The following NRG1 variants were observed in gnomAD, a reference collection of about 807,000 sequenced individuals.
NRG1 encodes pro-neuregulin-1, membrane-bound isoform.
A neutral mutation model predicts 63.8 loss-of-function variants in NRG1; 18 were observed. The observed-to-expected ratio is 0.28, with a 90% CI of 0.19 to 0.42. The LOEUF is 0.42. NRG1 is among the 10% of genes least tolerant of loss of function. The pLI, the probability that NRG1 is intolerant of heterozygous loss-of-function variation, is 1.00. For missense variants in NRG1, 762 were observed against 814.7 expected (o/e 0.94, Z 0.79); for synonymous variants, 302 against 301.3 (o/e 1.00, Z -0.02).
At chr8:31,775,830 C>G (rs1283457564) in intron 1 of NRG1, among the ~76,000 whole-genome samples, 1 of 138,142 alleles carries the variant, frequency 7.2e-6, no homozygotes, top group African/African-American at 2.7e-5. Context: ...TTGCAGTGAG[C>G]CGAGATCATG....
At chr8:32,344,384 C>CTTTCTTTCTTCCTCTTTCTTTCTT (rs1804536869) in intron 1 of NRG1, among the ~76,000 whole-genome samples, 18 of 69,488 alleles carry the variant, frequency 2.6e-4, no homozygotes, top group Non-Finnish European at 4.3e-4. Flanking sequence ...CTTTCTTTCT[C>CTTTCTTTCTTCCTCTTTCTTTCTT]TTTCTTTCTT....
At chr8:32,112,228 T>C (rs957138671) in intron 1 of NRG1, among the ~76,000 whole-genome samples, 1 of 152,206 alleles carries the variant, frequency 6.6e-6, no homozygotes, top group Non-Finnish European at 1.5e-5. Context: ...TTAATTAATA[T>C]TTCCTCTGAG....
At chr8:32,273,718 A>G (rs1483444545) in intron 1 of NRG1, among the ~76,000 whole-genome samples, 1 of 152,194 alleles carries the variant, frequency 6.6e-6, no homozygotes, top group Admixed American at 6.5e-5. Context: ...ATTGGGAATC[A>G]TGAGAGCATT....
At chr8:31,817,061 C>A (rs1273230730) in intron 1 of NRG1, among the ~76,000 whole-genome samples, 2 of 152,146 alleles carry the variant, frequency 1.3e-5, no homozygotes, top group Non-Finnish European at 2.9e-5. Context: ...AAGGTTATAT[C>A]TTTTGGCATG....
At chr8:32,702,684 G>A (rs1815264569) in intron 5 of NRG1, among the ~76,000 whole-genome samples, 1 of 152,182 alleles carries the variant, frequency 6.6e-6, no homozygotes, top group African/African-American at 2.4e-5. Flanking sequence ...GAAGGGTTTC[G>A]CTCTGTTGGC....
At chr8:32,299,398 A>G (rs570354450) in intron 1 of NRG1, among the ~76,000 whole-genome samples, 2 of 152,336 alleles carry the variant, frequency 1.3e-5, no homozygotes, top group South Asian at 4.1e-4. Context: ...ATCTGTTTGC[A>G]TGTTAACAAA....
chr8:31,876,030 AAAACAAACAAACAAAC>A (rs4035778), intron 1 of NRG1, among the ~76,000 whole-genome samples: 10 of 149,506 alleles, frequency 6.7e-5, no homozygotes, highest in Non-Finnish European at 1.2e-4. Flanking sequence ...TCTGTCCTAA[AAAACAAACAAACAAAC>A]AAACAAACAA....
At chr8:32,253,726 A>G (rs139899229) in intron 1 of NRG1, among the ~76,000 whole-genome samples, 37 of 152,006 alleles carry the variant, frequency 2.4e-4, no homozygotes, top group Non-Finnish European at 4.4e-4. Flanking sequence ...AGGGAGAAGT[A>G]CCTCTTTTTC....
At chr8:31,935,752 G>A (rs1835250676) in intron 1 of NRG1, among the ~76,000 whole-genome samples, 1 of 152,174 alleles carries the variant, frequency 6.6e-6, no homozygotes, top group African/African-American at 2.4e-5. Context: ...GGGTCTTTTA[G>A]GTCACAAGTA....
chr8:31,864,810 G>C (rs1164174898), intron 1 of NRG1, among the ~76,000 whole-genome samples: 2 of 152,072 alleles, frequency 1.3e-5, no homozygotes, highest in Non-Finnish European at 2.9e-5. Context: ...AGAGCAGATT[G>C]GTGGACAATT....
At chr8:31,828,659 C>T (rs2129604936) in intron 1 of NRG1, among the ~76,000 whole-genome samples, 1 of 152,258 alleles carries the variant, frequency 6.6e-6, no homozygotes, top group East Asian at 1.9e-4. Context: ...CACCTGTTGC[C>T]AAATTTTGAC....
intron 1 of NRG1, among the ~76,000 whole-genome samples, chr8:32,295,268 A>G (rs1347968256): frequency 2.6e-5 from 4 of 152,152 alleles, no homozygotes; most frequent in Non-Finnish European, 1.5e-5. Context: ...TCCAGACTGA[A>G]ATATGCATGT....
At chr8:32,590,284 T>G (rs943909616) in intron 1 of NRG1, among the ~76,000 whole-genome samples, 1 of 152,206 alleles carries the variant, frequency 6.6e-6, no homozygotes, top group Non-Finnish European at 1.5e-5. Context: ...AAGTTTGAAA[T>G]AGATTTAGGC....
chr8:32,727,884 T>G (rs1193578602), intron 5 of NRG1, 65 bp from the exon 6 acceptor site: 2 of 1,522,120 alleles, frequency 1.3e-6, no homozygotes, highest in Non-Finnish European at 1.8e-6. Context: ...TAATTTAAGA[T>G]TAAAGGCTGC....
chr8:32,745,675 G>GGGTGTGTGTGT (rs1554661331), intron 7 of NRG1, among the ~76,000 whole-genome samples: 1 of 151,182 alleles, frequency 6.6e-6, no homozygotes, highest in African/African-American at 2.4e-5. Context: ...GTGTGTGGGG[G>GGGTGTGTGTGT]GTGTGTGTGT....
intron 1 of NRG1, among the ~76,000 whole-genome samples, chr8:32,577,651 C>G (rs1196461030): frequency 6.6e-6 from 1 of 152,086 alleles, no homozygotes; most frequent in Admixed American, 6.5e-5. Context: ...GCTCTAACAA[C>G]ATTTATTCTC....
At chr8:31,813,039 C>T (rs1479222322) in intron 1 of NRG1, among the ~76,000 whole-genome samples, 1 of 152,130 alleles carries the variant, frequency 6.6e-6, no homozygotes, top group East Asian at 1.9e-4. Context: ...TTTCCACGTT[C>T]TCATCACTCT....
At chr8:32,284,492 T>TGCC (rs58608796) in intron 1 of NRG1, among the ~76,000 whole-genome samples, 2,336 of 61,214 alleles carry the variant, frequency 0.038, 64 homozygotes, top group African/African-American at 0.08. Context: ...CCTGCCTGCC[T>TGCC]TCCTTCCTTC....
intron 1 of NRG1, among the ~76,000 whole-genome samples, chr8:32,175,092 A>G (rs971875533): frequency 1.3e-5 from 2 of 152,294 alleles, no homozygotes; most frequent in East Asian, 1.9e-4. Context: ...GTAAAATACT[A>G]GCAAACTGAA....
Sources: allele counts gnomAD v4.1 joint callset (sites outside exome capture counted in the v4.1 genomes callset), GRCh38; gene constraint gnomAD v4.1.1; transcripts MANE v1.5; gene names NCBI Gene and HGNC (gene_info 2026-07-23, HGNC 2026-07-21).